The following GPAT3 variants were observed in gnomAD, a reference collection of about 807,000 sequenced individuals.
GPAT3 encodes glycerol-3-phosphate acyltransferase 3.
In GPAT3, 53 loss-of-function variants were observed where a neutral mutation model predicts 58.8. The observed-to-expected ratio is 0.90, with a 90% CI of 0.72 to 1.13. The LOEUF is 1.13. Ranked by LOEUF, GPAT3 falls within the 50% of genes most tolerant of loss-of-function variation. The pLI is 0.00. For missense variants in GPAT3, 511 were observed against 527.6 expected (o/e 0.97, Z 0.31); for synonymous variants, 197 against 187.4 (o/e 1.05, Z -0.42).
At chr4:83,578,985 T>TTTCTTTCTTTCTTTCCTTCC (rs1560620736) in intron 2 of GPAT3, among the ~76,000 whole-genome samples, 1 of 131,760 alleles carries the variant, frequency 7.6e-6, no homozygotes, top group Non-Finnish European at 1.6e-5. Flanking sequence ...TCTTTCTTTC[T>TTTCTTTCTTTCTTTCCTTCC]TTCCTTCCTT....
chr4:83,581,785 G>A lies in GPAT3; in HGVS notation c.432G>A (p.Val144=). Residue 144 remains valine (V), a synonymous_variant, in exon 3 of 12, where the codon GTG becomes GTA. Coordinates refer to ENST00000264409, the MANE Select transcript of GPAT3 (RefSeq NM_032717.5). The part of the protein sequence containing the change: ...FQYISLRLTM[V]WVLGVIVRYC... ...ACATCAGTCTGCGGCTCACTATGGT[G>A]TGGGTGCTGGGCGTCATAGTGCGCT... 6.2e-7 allele frequency: 1 copy of A among 1,614,180 alleles called. No individual in the cohort carries two copies. The highest frequency in any genetic ancestry group is 2.2e-5 in the East Asian group (1 of 44,876).
chr4:83,575,369 CATT>C (rs1221466368), intron 2 of GPAT3, among the ~76,000 whole-genome samples: 1 of 152,040 alleles, frequency 6.6e-6, no homozygotes, highest in African/African-American at 2.4e-5. Flanking sequence ...GAGAAAGTAA[CATT>C]ATGTTTTCAG....
intron 2 of GPAT3, among the ~76,000 whole-genome samples, chr4:83,579,598 G>A (rs1342535681): frequency 6.6e-6 from 1 of 151,980 alleles, no homozygotes; most frequent in Non-Finnish European, 1.5e-5. Flanking sequence ...AGCCCCTATT[G>A]CTTTAATTCT....
At position 83,596,753 on chromosome 4, in the gene GPAT3, T is replaced by C. The variant is rs1398537390; in HGVS notation, c.855-105T>C. ...TTTTACCTGTATCTCAATTATTTTCTCCTTATTGCTTCACAATTGTGCCAG... is the reference window on the plus strand; with the variant it reads ...TTTTACCTGTATCTCAATTATTTTCCCCTTATTGCTTCACAATTGTGCCAG... On this transcript the variant is annotated intron_variant, in intron 7 of 11. Transcript: ENST00000264409. 6 of 844,418 alleles carry C rather than the reference T, an allele frequency of 7.1e-6. No individual in the cohort carries two copies. In the South Asian group the frequency reaches 7.6e-5, roughly 11 times the overall value. 52.3% of individuals were successfully genotyped at this position (844,418 alleles called of 1,614,324 possible).
At chr4:83,581,095 CAAAAAAAAAAA>C (rs35894737) in intron 2 of GPAT3, among the ~76,000 whole-genome samples, 1 of 70,292 alleles carries the variant, frequency 1.4e-5, no homozygotes, top group Admixed American at 1.5e-4. Flanking sequence ...GACTCCGTCT[CAAAAAAAAAAA>C]AAAAAAAAAA....
intron 2 of GPAT3, among the ~76,000 whole-genome samples, chr4:83,552,753 GT>G (rs761256737): frequency 3.9e-5 from 6 of 152,280 alleles, no homozygotes; most frequent in Non-Finnish European, 8.8e-5. Context: ...GAATGTCTAT[GT>G]CCCCCCCTTC....
At chr4:83,573,013 A>G (rs1369354776) in intron 2 of GPAT3, among the ~76,000 whole-genome samples, 1 of 148,304 alleles carries the variant, frequency 6.7e-6, no homozygotes, top group Non-Finnish European at 1.5e-5. Flanking sequence ...AGTAATTAAC[A>G]TATTAACATA....
At chr4:83,594,547 G>A (rs890771224) in intron 6 of GPAT3, among the ~76,000 whole-genome samples, 1 of 152,190 alleles carries the variant, frequency 6.6e-6, no homozygotes, top group South Asian at 2.1e-4. Flanking sequence ...GTTTGAAAAG[G>A]TATTTCAGTG....
At chr4:83,551,060 C>T (rs557736714) in intron 2 of GPAT3, among the ~76,000 whole-genome samples, 12 of 152,274 alleles carry the variant, frequency 7.9e-5, no homozygotes, top group African/African-American at 2.2e-4. Flanking sequence ...GAAAATTACA[C>T]GACAACCCAA....
In GPAT3 at chr4:83,587,292, A is replaced by G; in HGVS notation, c.517A>G (p.Ile173Val). Residue 173 changes from isoleucine to valine, a missense_variant, in exon 4 of 12, where the codon ATA (isoleucine) becomes GTA (valine). Ile to Val is a conservative substitution (Grantham distance 29). Transcript: ENST00000264409. ...TTTCATTGGGATCAGTTTGCTGGTT[A>G]TAGGAACTACACTGGTTGGGCAGCT... ...LAFIGISLLV[I>V]GTTLVGQLPD... 6.2e-7 allele frequency: 1 copy of G among 1,614,018 alleles called. No homozygotes were observed. Among genetic ancestry groups the G allele is most frequent in the African/African-American group, 1.3e-5 (1 of 75,012 alleles).
At chr4:83,603,790 CAAAAAAAAAA>C (rs58399873) in intron 11 of GPAT3, among the ~76,000 whole-genome samples, 7 of 120,682 alleles carry the variant, frequency 5.8e-5, no homozygotes, top group Admixed American at 3.2e-4. Context: ...AACTCTGTCT[CAAAAAAAAAA>C]AAAAAAAAAA....
rs528471544 is a variant in GPAT3 at position 83,562,568 on chromosome 4, A to G, written c.208+17966A>G. Among the ~76,000 whole-genome samples the G allele has an allele frequency of 7.9e-5, 12 of 152,044 alleles. No homozygotes were observed. In the South Asian group the frequency reaches 2.5e-3, roughly 32 times the overall value. The stretch of plus-strand genomic sequence containing the variant: ...TTCCTAGCAGCCATATAATAATGTG[A>G]GCCTGGCGAAGAAGTCAGGACTATA... On this transcript the variant is annotated intron_variant, in intron 2 of 11. Coordinates refer to ENST00000264409, the MANE Select transcript of GPAT3 (RefSeq NM_032717.5).
chr4:83,580,378 G>A (rs1039805264), intron 2 of GPAT3, among the ~76,000 whole-genome samples: 1 of 152,082 alleles, frequency 6.6e-6, no homozygotes, highest in Non-Finnish European at 1.5e-5. Flanking sequence ...TAACATTATA[G>A]TATTTGTTAA....
At chr4:83,568,568 C>T (rs932180590) in intron 2 of GPAT3, among the ~76,000 whole-genome samples, 1 of 150,412 alleles carries the variant, frequency 6.6e-6, no homozygotes, top group African/African-American at 2.5e-5. Flanking sequence ...AGTGCTGTGG[C>T]GCGATCTAGG....
intron 2 of GPAT3, among the ~76,000 whole-genome samples, chr4:83,566,973 T>C (rs1053301144): frequency 2.0e-5 from 3 of 152,186 alleles, no homozygotes; most frequent in African/African-American, 4.8e-5. Flanking sequence ...AGGAAAATTT[T>C]CTACTTTAGT....
chr4:83,581,529 G>A, intron 2 of GPAT3, 33 bp from the exon 3 acceptor site: 3 of 1,592,554 alleles, frequency 1.9e-6, no homozygotes, highest in African/African-American at 2.7e-5. Context: ...CTGTCGTATG[G>A]CATTTTCTCA....
chr4:83,537,459 A>G (rs1474886098), intron 1 of GPAT3, among the ~76,000 whole-genome samples: 2 of 152,156 alleles, frequency 1.3e-5, no homozygotes, highest in Admixed American at 6.6e-5. Context: ...AAGGCTGGGT[A>G]GGGTAGGGAG....
chr4:83,568,645 C>T (rs1725494711), intron 2 of GPAT3, among the ~76,000 whole-genome samples: 1 of 151,872 alleles, frequency 6.6e-6, no homozygotes, highest in South Asian at 2.1e-4. Flanking sequence ...GTAGCTGGGA[C>T]TACAGGCACC....
intron 2 of GPAT3, among the ~76,000 whole-genome samples, chr4:83,575,022 G>A (rs1216685151): frequency 1.3e-5 from 2 of 151,404 alleles, no homozygotes; most frequent in South Asian, 2.1e-4. Flanking sequence ...GACTACAGGC[G>A]CCCGCCACCT....
Sources: gnomAD v4.1 joint callset for allele counts (sites outside exome capture counted in the v4.1 genomes callset) on GRCh38, gnomAD v4.1.1 for gene constraint, MANE v1.5 for transcripts, NCBI Gene and HGNC (gene_info 2026-07-23, HGNC 2026-07-21) for gene names.